PEX7: variants seen among roughly 807,000 people sequenced by gnomAD.
PEX7 encodes PTS2 receptor.
PEX7 carries 34 observed loss-of-function variants against 47.5 expected under a neutral mutation model. That is an observed-to-expected ratio of 0.72 (90% CI 0.54 to 0.95). The LOEUF is 0.95. Among genes scored for constraint, PEX7 ranks in the 40% least tolerant of loss-of-function variants. PEX7 has a pLI of 0.00. For missense variants in PEX7, 394 were observed against 400.3 expected, an observed-to-expected ratio of 0.98 and a Z score of 0.13; for synonymous variants, 141 against 148.8, an observed-to-expected ratio of 0.95 and a Z score of 0.38.
intron 8 of PEX7, among the ~76,000 whole-genome samples, chr6:136,892,174 A>G (rs979389426): frequency 2.0e-5 from 3 of 152,194 alleles, no homozygotes; most frequent in Non-Finnish European, 4.4e-5. Context: ...GTTCAGATGT[A>G]TTCTGGCTCA....
chr6:136,899,921 T>G (rs1225104166), intron 9 of PEX7, among the ~76,000 whole-genome samples: 2 of 152,256 alleles, frequency 1.3e-5, no homozygotes, highest in Admixed American at 1.3e-4. Flanking sequence ...TAATTGTACC[T>G]GTTTTCTATT....
At position 136,822,631 on chromosome 6, in the gene PEX7, G is replaced by C; in HGVS notation, c.-35G>C. 1 of 1,519,360 alleles carries C rather than the reference G, an allele frequency of 6.6e-7. No individual in the cohort carries two copies. Among genetic ancestry groups the C allele is most frequent in the Non-Finnish European group, 8.8e-7 (1 of 1,135,704 alleles). The allele number at this position is 1,519,360 out of a possible 1,614,324, so 94.1% of individuals were successfully genotyped here. A position where few individuals can be genotyped will look rare whatever the true frequency, so the allele number is the denominator to read the frequency against. The stretch of plus-strand genomic sequence containing the variant: ...GCCTCCGACTCGGAACGGCTTCCGC[G>C]GCCGGGGCAGCGAGGGCCGGGGGCG... On this transcript the variant is annotated 5_prime_UTR_variant, in exon 1 of 10. Transcript: ENST00000318471.
chr6:136,906,233 T>G (rs919915847), intron 9 of PEX7, among the ~76,000 whole-genome samples: 4 of 152,180 alleles, frequency 2.6e-5, no homozygotes, highest in African/African-American at 9.7e-5. Flanking sequence ...GTGTGGCCAG[T>G]TAGAAATAGG....
intron 9 of PEX7, among the ~76,000 whole-genome samples, chr6:136,911,171 T>C (rs1775926827): frequency 6.6e-6 from 1 of 151,668 alleles, no homozygotes; most frequent in Admixed American, 6.6e-5. Context: ...GTGAGAAGAG[T>C]AACATTGTTC....
At chr6:136,862,316 G>A (rs890746662) in intron 5 of PEX7, among the ~76,000 whole-genome samples, 1 of 151,500 alleles carries the variant, frequency 6.6e-6, no homozygotes, top group African/African-American at 2.4e-5. Context: ...GGCCTCAAGT[G>A]ATCCACCTGC....
intron 3 of PEX7, among the ~76,000 whole-genome samples, chr6:136,833,468 G>T (rs567930982): frequency 6.6e-6 from 1 of 152,206 alleles, no homozygotes; most frequent in Non-Finnish European, 1.5e-5. Flanking sequence ...CTTCAGAAAT[G>T]CATTTATGTT....
At chr6:136,847,123 G>A (rs1056388284) in intron 5 of PEX7, among the ~76,000 whole-genome samples, 1 of 152,112 alleles carries the variant, frequency 6.6e-6, no homozygotes, top group African/African-American at 2.4e-5. Context: ...TGTGTCTGTT[G>A]GCTGCATAAA....
intron 5 of PEX7, chr6:136,855,764 T>C: frequency 2.5e-6 from 1 of 393,516 alleles, no homozygotes; most frequent in Admixed American, 2.7e-5. Context: ...TTAAAAAGGA[T>C]ATTTCGTTTG....
intron 3 of PEX7, chr6:136,830,209 G>A (rs1313359117): frequency 1.7e-6 from 1 of 598,602 alleles, no homozygotes; most frequent in Non-Finnish European, 2.9e-6. Context: ...TGCAAACTAA[G>A]TTTATTAGTA....
intron 5 of PEX7, among the ~76,000 whole-genome samples, chr6:136,861,720 C>T (rs903811109): frequency 2.0e-5 from 3 of 151,578 alleles, no homozygotes; most frequent in African/African-American, 7.3e-5. Context: ...AAAAAGCATA[C>T]TCCAGAAAGG....
At chr6:136,856,921 G>A (rs1774872091) in intron 5 of PEX7, among the ~76,000 whole-genome samples, 1 of 152,144 alleles carries the variant, frequency 6.6e-6, no homozygotes, top group African/African-American at 2.4e-5. Flanking sequence ...CAGTAAAGCT[G>A]TTTTCTACCA....
At position 136,892,575 on chromosome 6, in the gene PEX7, CTCAT is replaced by C. The variant is rs558564250; in HGVS notation, c.804-5546_804-5543del. On this transcript the variant is annotated intron_variant, in intron 8 of 9. Coordinates refer to ENST00000318471, the MANE Select transcript of PEX7 (RefSeq NM_000288.4). ...ATTATACCCATTGTATATTTATTTG[CTCAT>C]TCATTCATTCATTCATTCATGAGTG... Among the ~76,000 whole-genome samples, 708 of 152,188 alleles carry C rather than the reference CTCAT, an allele frequency of 4.7e-3. 8 individuals are homozygous for C. Among genetic ancestry groups the C allele is most frequent in the African/African-American group, 0.016 (668 of 41,530 alleles).
chr6:136,912,126 T>C (rs772817978), intron 9 of PEX7, among the ~76,000 whole-genome samples: 10 of 152,238 alleles, frequency 6.6e-5, no homozygotes, highest in Non-Finnish European at 1.2e-4. Flanking sequence ...TGGTTCTTTA[T>C]GTATTCTTGA....
chr6:136,822,966 T>TG, intron 1 of PEX7, 171 bp downstream of exon 1: 2 of 985,434 alleles, frequency 2.0e-6, no homozygotes, highest in Non-Finnish European at 2.4e-6. Context: ...CTTTGCCGAG[T>TG]GCGAGGAGTT....
intron 3 of PEX7, among the ~76,000 whole-genome samples, chr6:136,830,663 A>C (rs908014642): frequency 6.6e-6 from 1 of 152,254 alleles, no homozygotes; most frequent in Non-Finnish European, 1.5e-5. Flanking sequence ...TAGAAAAATA[A>C]GAGTGAATTG....
chr6:136,878,671 G>T (rs564177018), intron 8 of PEX7, among the ~76,000 whole-genome samples: 1 of 152,086 alleles, frequency 6.6e-6, no homozygotes, highest in South Asian at 2.1e-4. Flanking sequence ...TTTGTTCTAG[G>T]TATGTTTTTG....
intron 5 of PEX7, among the ~76,000 whole-genome samples, chr6:136,862,500 A>C (rs970694603): frequency 7.2e-6 from 1 of 138,836 alleles, no homozygotes; most frequent in South Asian, 2.3e-4. Flanking sequence ...CTCAACCTCC[A>C]GAGTAGCTGG....
chr6:136,849,893 A>G (rs1405445429), intron 5 of PEX7, among the ~76,000 whole-genome samples: 1 of 152,068 alleles, frequency 6.6e-6, no homozygotes, highest in African/African-American at 2.4e-5. Context: ...GCTGAGTTTA[A>G]TTCCTGGATA....
At chr6:136,871,569 CT>C (rs1423601785) in intron 7 of PEX7, among the ~76,000 whole-genome samples, 1 of 151,786 alleles carries the variant, frequency 6.6e-6, no homozygotes, top group African/African-American at 2.4e-5. Flanking sequence ...TTTGCTTTTG[CT>C]TTTTTTGAGC....
Sources: allele counts gnomAD v4.1 joint callset (sites outside exome capture counted in the v4.1 genomes callset), GRCh38; gene constraint gnomAD v4.1.1; transcripts MANE v1.5; gene names NCBI Gene and HGNC (gene_info 2026-07-23, HGNC 2026-07-21).